ABCB1: variants seen among roughly 807,000 people sequenced by gnomAD.
The protein encoded by ABCB1 is ATP-dependent translocase ABCB1.
A neutral mutation model predicts 142.0 loss-of-function variants in ABCB1; 69 were observed. That is an observed-to-expected ratio of 0.49 (90% CI 0.40 to 0.59). The LOEUF (loss-of-function observed/expected upper bound fraction) is 0.59. Ranked by LOEUF, ABCB1 falls within the 20% of genes least tolerant of loss-of-function variation. The pLI is 0.00. For synonymous variants in ABCB1, 532 were observed against 539.2 expected (o/e 0.99, Z 0.18); for missense variants, 1,326 against 1,554.7 (o/e 0.85, Z 2.47).
At chr7:87,546,563 A>T (rs896038731) in intron 14 of ABCB1, among the ~76,000 whole-genome samples, 5 of 148,158 alleles carry the variant, frequency 3.4e-5, no homozygotes, top group East Asian at 3.9e-4. Context: ...CTCAAAAAAA[A>T]AAAATAAAAA....
At chr7:87,710,247 GAAGTA>G (rs1829948900) in intron 1 of ABCB1, among the ~76,000 whole-genome samples, 1 of 152,112 alleles carries the variant, frequency 6.6e-6, no homozygotes, top group Admixed American at 6.5e-5. Flanking sequence ...TTGCGGTATT[GAAGTA>G]GAGAGTTATA....
chr7:87,559,194 G>C (rs1181805142), intron 8 of ABCB1, among the ~76,000 whole-genome samples: 2 of 151,950 alleles, frequency 1.3e-5, no homozygotes, highest in Non-Finnish European at 2.9e-5. Context: ...AAATTATCCA[G>C]ACTTGTTTTG....
intron 5 of ABCB1, among the ~76,000 whole-genome samples, chr7:87,568,228 T>C (rs891605898): frequency 2.7e-5 from 2 of 74,754 alleles, no homozygotes; most frequent in Non-Finnish European, 6.1e-5. Context: ...ATCCCGTCTC[T>C]ACTAAAAATA....
intron 3 of ABCB1, 124 bp from the exon 4 acceptor site, chr7:87,585,804 T>G: frequency 1.1e-6 from 1 of 907,434 alleles, no homozygotes; most frequent in East Asian, 2.6e-5. Flanking sequence ...ACCAACCTAG[T>G]CCAAGACACC....
intron 1 of ABCB1, chr7:87,710,720 G>T: frequency 1.2e-6 from 1 of 854,436 alleles, no homozygotes; most frequent in Non-Finnish European, 1.9e-6. Flanking sequence ...TCAGAAATCA[G>T]AATAGGATGA....
intron 2 of ABCB1, among the ~76,000 whole-genome samples, chr7:87,597,750 A>G (rs1203281492): frequency 1.3e-5 from 2 of 152,140 alleles, no homozygotes; most frequent in African/African-American, 4.8e-5. Flanking sequence ...TTCAATTGCA[A>G]TTACATGTTC....
At chr7:87,511,111 G>C (rs1169185932) in intron 25 of ABCB1, among the ~76,000 whole-genome samples, 1 of 152,114 alleles carries the variant, frequency 6.6e-6, no homozygotes, top group Non-Finnish European at 1.5e-5. Flanking sequence ...ATACACTCTT[G>C]GGCCTCCTCG....
intron 1 of ABCB1, among the ~76,000 whole-genome samples, chr7:87,657,196 G>C (rs951838360): frequency 1.1e-4 from 16 of 152,088 alleles, no homozygotes; most frequent in Admixed American, 4.6e-4. Flanking sequence ...CACAGTAGTG[G>C]GTTGCCTGGA....
At chr7:87,691,516 T>C (rs1828010951) in intron 1 of ABCB1, among the ~76,000 whole-genome samples, 1 of 152,148 alleles carries the variant, frequency 6.6e-6, no homozygotes, top group African/African-American at 2.4e-5. Context: ...TTCACTTTCT[T>C]TTAACATTAT....
intron 25 of ABCB1, among the ~76,000 whole-genome samples, chr7:87,514,355 T>A (rs999189897): frequency 3.9e-5 from 6 of 152,166 alleles, no homozygotes; most frequent in Admixed American, 3.3e-4. Context: ...TTAATTCTAT[T>A]CCTTCCTAGT....
In ABCB1 at chr7:87,595,947, A is replaced by G. The variant is rs1819189944; in HGVS notation, c.69-133T>C. ...TGTCTATATTATACAGTTAAAAAAC[A>G]GGATGATAATAGTATGACCCCATTT... On this transcript the variant is annotated intron_variant, in intron 2 of 27. Coordinates refer to ENST00000622132, the MANE Select transcript of ABCB1 (RefSeq NM_001348946.2). The G allele has an allele frequency of 3.0e-5, 21 of 703,832 alleles. No individual in the cohort carries two copies. The South Asian group carries it at 3.7e-4, about 13-fold the overall frequency. The allele number at this position is 703,832 out of a possible 1,614,324, so 43.6% of individuals were successfully genotyped here.
intron 3 of ABCB1, among the ~76,000 whole-genome samples, chr7:87,593,491 G>C (rs1308285686): frequency 1.3e-5 from 2 of 152,220 alleles, no homozygotes; most frequent in Non-Finnish European, 2.9e-5. Context: ...TAACACAGCA[G>C]CTCTGAGGCT....
chr7:87,676,746 A>G (rs1414667386), intron 1 of ABCB1, among the ~76,000 whole-genome samples: 4 of 150,830 alleles, frequency 2.7e-5, no homozygotes, highest in Non-Finnish European at 5.9e-5. Flanking sequence ...TGCCTTTACC[A>G]TGTTCCATTA....
At chr7:87,527,668 T>G (rs1352543307) in intron 21 of ABCB1, among the ~76,000 whole-genome samples, 2 of 152,188 alleles carry the variant, frequency 1.3e-5, no homozygotes, top group African/African-American at 4.8e-5. Flanking sequence ...TACGCAAGAA[T>G]CATGAGAGAT....
At chr7:87,591,196 C>A (rs1447102494) in intron 3 of ABCB1, among the ~76,000 whole-genome samples, 1 of 152,026 alleles carries the variant, frequency 6.6e-6, no homozygotes, top group African/African-American at 2.4e-5. Context: ...GCCTGTGAGT[C>A]TAGAAATGCA....
intron 20 of ABCB1, among the ~76,000 whole-genome samples, chr7:87,533,733 C>T (rs4148738): frequency 0.61 from 92,937 of 151,930 alleles, 29,287 homozygotes; most frequent in African/African-American, 0.78. Context: ...AACTAAAACC[C>T]GTCAGCCAAA....
chr7:87,613,257 CTTTTTTTTTTT>C (rs67823385), intron 1 of ABCB1, among the ~76,000 whole-genome samples: 1 of 64,210 alleles, frequency 1.6e-5, no homozygotes, highest in Non-Finnish European at 2.8e-5. Flanking sequence ...TCCTTTATTT[CTTTTTTTTTTT>C]TTTTTTTTTT....
At position 87,652,621 on chromosome 7, in the gene ABCB1, G is replaced by GATATATATATATATATAT. The variant is rs373344881; in HGVS notation, c.-330-51561_-330-51544dup. Among the ~76,000 whole-genome samples, 447 of 125,266 alleles carry GATATATATATATATATAT rather than the reference G, an allele frequency of 3.6e-3. 10 individuals are homozygous for GATATATATATATATATAT. The highest frequency in any genetic ancestry group is 9.5e-3 in the African/African-American group (277 of 29,024). 82.2% of individuals were successfully genotyped at this position (125,266 alleles called of 152,430 possible). ...CTGTCAGTTGACTCTTGTGGTCACT[G>GATATATATATATATATAT]ATATATATATATATATATATATATA... On this transcript the variant is annotated intron_variant, in intron 1 of 28. Transcript: ENST00000265724.
intron 2 of ABCB1, among the ~76,000 whole-genome samples, chr7:87,598,785 A>G (rs1819318610): frequency 1.3e-5 from 2 of 152,206 alleles, no homozygotes; most frequent in Admixed American, 1.3e-4. Context: ...CATTGGAAGC[A>G]TCTTCCAGAC....
Sources: gnomAD v4.1 joint callset for allele counts (sites outside exome capture counted in the v4.1 genomes callset) on GRCh38, gnomAD v4.1.1 for gene constraint, MANE v1.5 for transcripts, NCBI Gene and HGNC (gene_info 2026-07-23, HGNC 2026-07-21) for gene names.